Variants in SLC52A3 observed in about 807,000 individuals in gnomAD.
SLC52A3 encodes solute carrier family 52, riboflavin transporter, member 3.
Under a neutral mutation model 29.5 loss-of-function variants are expected in SLC52A3, and 20 were observed. The ratio of observed to expected loss-of-function variants is 0.68; its 90% confidence interval spans 0.48 to 0.99. SLC52A3 has a LOEUF of 0.99. Ranked by LOEUF, SLC52A3 falls within the 50% of genes least tolerant of loss-of-function variation. The pLI is 0.00. For synonymous variants in SLC52A3, 301 were observed against 271.0 expected, an observed-to-expected ratio of 1.11 and a Z score of -1.09; for missense variants, 548 against 612.9, an observed-to-expected ratio of 0.89 and a Z score of 1.12.
At chr20:769,115 T>A (rs780834567), upstream of SLC52A3, among the ~76,000 whole-genome samples, 4 of 152,252 alleles carry the variant, frequency 2.6e-5, no homozygotes, top group Admixed American at 1.3e-4. Context: ...AGGGCCTTTC[T>A]CAATGACTTA....
In SLC52A3 at chr20:763,555, G is replaced by T. The variant is rs778147751; in HGVS notation, c.1016C>A (p.Thr339Asn). The T allele has an allele frequency of 1.2e-6, 2 of 1,614,196 alleles. No homozygotes were observed. The highest frequency in any genetic ancestry group is 1.7e-5 in the Admixed American group (1 of 60,032). ...AAGAGGGTTGGCCACAATGCTGAGG[G>T]TGGCAGCCAGGTGGTAGGCAACTGG... Reference protein sequence around the residue: ...YGPVAYHLAATLSIVANPLAS... With the variant: ...YGPVAYHLAANLSIVANPLAS... Residue 339 changes from threonine (T) to asparagine (N), a missense_variant, in exon 3 of 5, where the codon ACC becomes AAC. Thr to Asn is a moderately conservative substitution (Grantham distance 65, BLOSUM62 0). Around this residue, in one of 2 missense-constraint regions of SLC52A3, gnomAD observed 375 missense variants for 471.1 expected, o/e 0.80. Transcript: ENST00000645534.
chr20:764,146 A>C, intron 2 of SLC52A3, 143 bp from the exon 3 acceptor site: 1 of 964,852 alleles, frequency 1.0e-6, no homozygotes, highest in Non-Finnish European at 1.5e-6. Context: ...GGTGGCAATA[A>C]TGACTGCTCA....
At chr20:777,146 G>A (rs1365574272), upstream of SLC52A3, among the ~76,000 whole-genome samples, 2 of 152,094 alleles carry the variant, frequency 1.3e-5, no homozygotes, top group South Asian at 4.1e-4. Flanking sequence ...TGAGGCAGGA[G>A]AATTGCTTGA....
intron 1 of SLC52A3, among the ~76,000 whole-genome samples, chr20:767,837 A>G (rs1045315410): frequency 1.3e-5 from 2 of 152,164 alleles, no homozygotes; most frequent in Non-Finnish European, 2.9e-5. Flanking sequence ...CCATTCTGCC[A>G]TCTGTTTACC....
upstream of SLC52A3, among the ~76,000 whole-genome samples, chr20:768,790 G>A (rs1986767602): frequency 6.6e-6 from 1 of 152,184 alleles, no homozygotes; most frequent in African/African-American, 2.4e-5. Flanking sequence ...TAATAGCACA[G>A]GTGAGGCCCA....
upstream of SLC52A3, among the ~76,000 whole-genome samples, chr20:777,349 G>A (rs1987085721): frequency 6.6e-6 from 1 of 152,036 alleles, no homozygotes; most frequent in Non-Finnish European, 1.5e-5. Context: ...GAGTAATTGG[G>A]GAAGTTGCAT....
chr20:761,944 T>C (rs1986504922), intron 3 of SLC52A3, 120 bp from the exon 4 acceptor site: 4 of 1,494,920 alleles, frequency 2.7e-6, no homozygotes, highest in Non-Finnish European at 3.7e-6. Flanking sequence ...ATGTGGAAAA[T>C]TCCAGGTTGC....
rs751278155 is a variant in SLC52A3, at chr20:761,750, A to G, written c.1148T>C (p.Met383Thr). Residue 383 changes from methionine (M) to threonine (T), a missense_variant, in exon 4 of 5, where the codon ATG (methionine) becomes ACG (threonine). By Grantham distance (81) the Met-to-Thr change is moderately conservative. Around this residue, in one of 2 missense-constraint regions of SLC52A3, gnomAD observed 173 missense variants for 141.8 expected, o/e 1.22. Transcript: ENST00000645534. ...GCCCTGCAAGAGGGGGCAGGGGCTC[A>G]TCACCGCCATGGCCATGTTGTAGCC... is the stretch of plus-strand genomic sequence containing the variant. ...FGGYNMAMAVMSPCPLLQGHW... is the reference protein window; with the variant it reads ...FGGYNMAMAVTSPCPLLQGHW... The G allele has an allele frequency of 1.9e-6, 3 of 1,614,138 alleles. No individual in the cohort carries two copies. The highest frequency in any genetic ancestry group is 1.7e-6 in the Non-Finnish European group (2 of 1,180,000).
In SLC52A3 at chr20:765,875, A is replaced by T; in HGVS notation, c.-51-50T>A. ...GTAATTCCAGCTTCACCACCTAGCA[A>T]GATGCTGGGACCTGGGGCCCAGAGT... On this transcript the variant is annotated intron_variant, in intron 1 of 4. Transcript: ENST00000645534. The surrounding 1 kb of genome is among the most constrained non-coding windows in gnomAD (Gnocchi z 6.6). 8.6e-7 allele frequency: 1 copy of T among 1,167,668 alleles called. No individual in the cohort carries two copies. The highest frequency in any genetic ancestry group is 1.3e-6 in the Non-Finnish European group (1 of 798,758). The allele number at this position is 1,167,668 out of a possible 1,614,324, so 72.3% of individuals were successfully genotyped here. A position where few individuals can be genotyped will look rare whatever the true frequency, so the allele number is the denominator to read the frequency against.
intron 2 of SLC52A3, among the ~76,000 whole-genome samples, 193 bp from the exon 3 acceptor site, chr20:764,196 AG>A (rs1273972905): frequency 6.6e-6 from 1 of 152,198 alleles, no homozygotes; most frequent in Non-Finnish European, 1.5e-5. Context: ...TGCATGGATA[AG>A]CCCCTATGCC....
chr20:762,574 ACT>A (rs1441558482), intron 3 of SLC52A3, among the ~76,000 whole-genome samples: 8 of 151,954 alleles, frequency 5.3e-5, no homozygotes, highest in African/African-American at 1.7e-4. Flanking sequence ...ACCCTTAAAG[ACT>A]CTTTCTGCTC....
intron 3 of SLC52A3, among the ~76,000 whole-genome samples, chr20:762,480 C>G (rs13039544): frequency 0.37 from 56,304 of 151,674 alleles, 10,919 homozygotes; most frequent in East Asian, 0.66. Flanking sequence ...TCCTTCCTCA[C>G]AGGTCCTTGT....
At chr20:771,066 T>C (rs535742072), upstream of SLC52A3, among the ~76,000 whole-genome samples, 1 of 152,362 alleles carries the variant, frequency 6.6e-6, no homozygotes, top group Non-Finnish European at 1.5e-5. Context: ...TTTAATGTTG[T>C]TGTTAAATTG....
upstream of SLC52A3, among the ~76,000 whole-genome samples, chr20:772,238 T>C (rs372045122): frequency 6.6e-5 from 10 of 152,308 alleles, no homozygotes; most frequent in African/African-American, 1.4e-4. Context: ...AGACGAATTC[T>C]CTGGTTTTGA....
At chr20:777,946 A>C (rs970018131), upstream of SLC52A3, among the ~76,000 whole-genome samples, 2 of 152,162 alleles carry the variant, frequency 1.3e-5, no homozygotes, top group Non-Finnish European at 2.9e-5. Context: ...TATCAAGGAA[A>C]TCTACATTAG....
upstream of SLC52A3, among the ~76,000 whole-genome samples, chr20:772,745 TA>T (rs1328970618): frequency 6.6e-6 from 1 of 152,000 alleles, no homozygotes; most frequent in Non-Finnish European, 1.5e-5. Context: ...CGAAGCAGAA[TA>T]AAAAACAGAA....
rs545712707 is a variant in SLC52A3 at position 761,564 on chromosome 20, C to G, written c.1197+137G>C. 7.0e-5 allele frequency: 92 copies of G among 1,320,668 alleles called. No homozygotes were observed. In the African/African-American group the frequency reaches 1.3e-3, roughly 18 times the overall value. 81.8% of individuals were successfully genotyped at this position (1,320,668 alleles called of 1,614,324 possible). A position where few individuals can be genotyped will look rare whatever the true frequency, so the allele number is the denominator to read the frequency against. The stretch of plus-strand genomic sequence containing the variant: ...CCTCCACTCCCAAATGAGGAAGGGG[C>G]GCTTCCCCCACCTGGGGCTTCCCGG... On this transcript the variant is annotated intron_variant, in intron 4 of 4. Coordinates refer to ENST00000645534, the MANE Select transcript of SLC52A3 (RefSeq NM_033409.4).
In SLC52A3 at chr20:760,735, T is replaced by C; in HGVS notation, c.*291A>G. 2.1e-6 allele frequency: 1 copy of C among 473,744 alleles called. No individual in the cohort carries two copies. Among genetic ancestry groups the C allele is most frequent in the South Asian group, 3.5e-5 (1 of 28,880 alleles). 29.3% of individuals were successfully genotyped at this position (473,744 alleles called of 1,614,324 possible). A position where few individuals can be genotyped will look rare whatever the true frequency, so the allele number is the denominator to read the frequency against. On this transcript the variant is annotated 3_prime_UTR_variant, in exon 5 of 5. Transcript: ENST00000645534. The surrounding 1 kb of genome is among the most constrained non-coding windows in gnomAD (Gnocchi z 4.9). Reference sequence around the variant, plus strand: ...AGCCGGCTGTCCCAGCTGTTTCCCTTCTAACACCCTTGGGCCTGCCTCCAG... The same window carrying C: ...AGCCGGCTGTCCCAGCTGTTTCCCTCCTAACACCCTTGGGCCTGCCTCCAG...
Position 765,371 on chromosome 20 carries a change from G to A in SLC52A3, c.404C>T (p.Thr135Ile). The change falls in exon 2 of 5, where the codon ACC (threonine) becomes ATC (isoleucine). Residue 135 changes from threonine (T) to isoleucine (I), a missense_variant. Around this residue, in one of 2 missense-constraint regions of SLC52A3, gnomAD observed 375 missense variants for 471.1 expected, o/e 0.80. Coordinates refer to ENST00000645534, the MANE Select transcript of SLC52A3 (RefSeq NM_033409.4). This position sits in a 1 kb window ranked among gnomAD's most constrained non-coding sequence, Gnocchi z 6.6. ...TFLPFMSRLPTYYLTTFFVGE... is the reference protein window; with the variant it reads ...TFLPFMSRLPIYYLTTFFVGE... ...CACAAAGAAGGTGGTGAGGTAGTAG[G>A]TGGGCAGCCGGCTCATGAACGGCAG... The A allele has an allele frequency of 6.2e-7, 1 of 1,614,156 alleles. No homozygotes were observed. The highest frequency in any genetic ancestry group is 8.5e-7 in the Non-Finnish European group (1 of 1,180,034).
Sources: gnomAD v4.1 joint callset for allele counts (sites outside exome capture counted in the v4.1 genomes callset) on GRCh38, gnomAD v4.1.1 for gene constraint, gnomAD v4.1.1 regional missense constraint, Gnocchi (gnomAD v3.1) non-coding constraint, MANE v1.5 for transcripts, NCBI Gene and HGNC (gene_info 2026-07-23, HGNC 2026-07-21) for gene names.